The following FAM184B variants were observed in gnomAD, a reference collection of about 807,000 sequenced individuals.
FAM184B encodes the protein protein FAM184B.
In FAM184B, 111 loss-of-function variants were observed where a neutral mutation model predicts 135.9. That is an observed-to-expected ratio of 0.82 (90% CI 0.70 to 0.96). The LOEUF (loss-of-function observed/expected upper bound fraction) is 0.96, where lower values mean the gene tolerates loss of function less well. FAM184B is among the 40% of genes least tolerant of loss of function. The probability of loss-of-function intolerance (pLI) is 0.00; values close to 1 mark genes in which losing one functional copy is unlikely to be tolerated. For synonymous variants in FAM184B, 552 were observed against 524.8 expected, an observed-to-expected ratio of 1.05 and a Z score of -0.71; for missense variants, 1,375 against 1,323.9, an observed-to-expected ratio of 1.04 and a Z score of -0.60.
chr4:17,766,870 T>C (rs939177148), intron 1 of FAM184B, among the ~76,000 whole-genome samples: 25 of 152,128 alleles, frequency 1.6e-4, no homozygotes, highest in South Asian at 1.0e-3. Flanking sequence ...GCAGCGCTCA[T>C]TGGGGAGGCT....
At chr4:17,634,975 G>T (rs1473387804) in intron 16 of FAM184B, 34 bp downstream of exon 16, 1 of 1,435,174 alleles carries the variant, frequency 7.0e-7, no homozygotes, top group Non-Finnish European at 9.6e-7. Flanking sequence ...CAATGGAATT[G>T]TATAATGCAT....
intron 1 of FAM184B, among the ~76,000 whole-genome samples, chr4:17,717,411 C>T (rs1265118552): frequency 6.6e-6 from 1 of 152,146 alleles, no homozygotes; most frequent in Non-Finnish European, 1.5e-5. Flanking sequence ...GGGCTTCATG[C>T]CTCACAGGTC....
chr4:17,766,027 C>T (rs190175284), intron 1 of FAM184B, among the ~76,000 whole-genome samples: 15 of 152,330 alleles, frequency 9.8e-5, no homozygotes, highest in East Asian at 5.8e-4. Flanking sequence ...AGCTGCAGAC[C>T]TTCCCCGTGA....
chr4:17,652,636 G>A (rs1184355139), intron 11 of FAM184B, among the ~76,000 whole-genome samples, 194 bp downstream of exon 11: 1 of 150,058 alleles, frequency 6.7e-6, no homozygotes, highest in Middle Eastern at 3.2e-3. Context: ...GCCCTGGCCT[G>A]TGTGCCTGAG....
At position 17,664,501 on chromosome 4, in the gene FAM184B, T is replaced by G. The variant is rs1479087930; in HGVS notation, c.1694+61A>C. ...AGGATAGAATGAATGAATGGATGAA[T>G]CCTTCCACATCTGAGTCCTCATTCA... On this transcript the variant is annotated intron_variant, in intron 8 of 17. Coordinates refer to ENST00000265018, the MANE Select transcript of FAM184B (RefSeq NM_015688.2). 9.5e-6 allele frequency: 12 copies of G among 1,258,376 alleles called. No homozygotes were observed. In the Admixed American group the frequency reaches 2.1e-4, roughly 23 times the overall value. The allele number at this position is 1,258,376 out of a possible 1,614,324, so 78.0% of individuals were successfully genotyped here.
In FAM184B at chr4:17,636,592, A is replaced by AG; in HGVS notation, c.2719dup (p.Leu907ProfsTer91). 6.4e-7 allele frequency: 1 copy of AG among 1,551,118 alleles called. No homozygotes were observed. The highest frequency in any genetic ancestry group is 8.7e-7 in the Non-Finnish European group (1 of 1,146,926). ...GGTCTGCAGGCGGCCAATGAGCTGA[A>AG]GGTCCTCGGGCCTGGACGCTCCCTT... On this transcript the variant is annotated frameshift_variant, in exon 15 of 18. Coordinates refer to ENST00000265018, the MANE Select transcript of FAM184B (RefSeq NM_015688.2). LOFTEE classifies it high-confidence loss of function.
At chr4:17,773,726 C>T (rs1026723349) in intron 1 of FAM184B, among the ~76,000 whole-genome samples, 6 of 152,188 alleles carry the variant, frequency 3.9e-5, no homozygotes, top group South Asian at 2.1e-4. Flanking sequence ...TACAGGCATG[C>T]GCCACCACAC....
intron 1 of FAM184B, among the ~76,000 whole-genome samples, chr4:17,777,826 G>C (rs1352989902): frequency 6.6e-6 from 1 of 152,174 alleles, no homozygotes; most frequent in Non-Finnish European, 1.5e-5. Flanking sequence ...ATTAAAGAAA[G>C]CATATGCACC....
intron 1 of FAM184B, among the ~76,000 whole-genome samples, chr4:17,751,502 G>C (rs938532713): frequency 2.0e-5 from 3 of 151,978 alleles, no homozygotes; most frequent in Admixed American, 1.3e-4. Context: ...CCATGGAGAG[G>C]CTCTACCTCC....
At chr4:17,696,977 A>C (rs1716880557) in intron 5 of FAM184B, among the ~76,000 whole-genome samples, 1 of 152,198 alleles carries the variant, frequency 6.6e-6, no homozygotes, top group Non-Finnish European at 1.5e-5. Context: ...GGAACTATTT[A>C]ATACATTATA....
intron 1 of FAM184B, among the ~76,000 whole-genome samples, chr4:17,714,921 A>G (rs145808502): frequency 6.6e-6 from 1 of 152,252 alleles, no homozygotes; most frequent in Non-Finnish European, 1.5e-5. Context: ...CCTTGGGGAC[A>G]CCAAGGATCT....
At chr4:17,736,467 G>A (rs1717910925) in intron 1 of FAM184B, among the ~76,000 whole-genome samples, 1 of 152,196 alleles carries the variant, frequency 6.6e-6, no homozygotes, top group South Asian at 2.1e-4. Context: ...AGTACAGAGG[G>A]TTAAATAAGG....
At chr4:17,682,261 G>C (rs1716459421) in intron 7 of FAM184B, among the ~76,000 whole-genome samples, 1 of 152,136 alleles carries the variant, frequency 6.6e-6, no homozygotes, top group Non-Finnish European at 1.5e-5. Context: ...GACTAAAATG[G>C]CTTTCTGGAA....
chr4:17,727,382 T>C (rs115473208), intron 1 of FAM184B, among the ~76,000 whole-genome samples: 45 of 152,318 alleles, frequency 3.0e-4, no homozygotes, highest in African/African-American at 1.0e-3. Flanking sequence ...AACTTAGGCA[T>C]GTCCTACAGT....
chr4:17,642,244 A>G lies in FAM184B; in HGVS notation c.2347-16T>C. 6.8e-7 allele frequency: 1 copy of G among 1,465,816 alleles called. No homozygotes were observed. Among genetic ancestry groups the G allele is most frequent in the Non-Finnish European group, 8.9e-7 (1 of 1,118,640 alleles). The allele number at this position is 1,465,816 out of a possible 1,614,324, so 90.8% of individuals were successfully genotyped here. A position where few individuals can be genotyped will look rare whatever the true frequency, so the allele number is the denominator to read the frequency against. On this transcript the variant is annotated splice_polypyrimidine_tract_variant and intron_variant, in intron 12 of 17. Transcript: ENST00000265018. The stretch of plus-strand genomic sequence containing the variant: ...CGCCCCGCTCCTGAGGAAGGCAACC[A>G]GGAGAGGTGTTTTCAGGAGGCGCAG...
At chr4:17,648,790 G>T (rs1715533777) in intron 11 of FAM184B, among the ~76,000 whole-genome samples, 2 of 152,120 alleles carry the variant, frequency 1.3e-5, no homozygotes, top group African/African-American at 4.8e-5. Flanking sequence ...GGAGAGATGT[G>T]TACGTTCTCT....
chr4:17,746,212 G>T (rs113341769), intron 1 of FAM184B, among the ~76,000 whole-genome samples: 128 of 151,860 alleles, frequency 8.4e-4, no homozygotes, highest in African/African-American at 2.9e-3. Context: ...GCCCACCTCG[G>T]CCTCCCAAAG....
chr4:17,718,560 A>G (rs923095592), intron 1 of FAM184B, among the ~76,000 whole-genome samples: 1 of 152,072 alleles, frequency 6.6e-6, no homozygotes, highest in East Asian at 1.9e-4. Flanking sequence ...GATGGCATTT[A>G]TTTGTCTTCC....
At chr4:17,663,390 A>G (rs1219760022) in intron 8 of FAM184B, among the ~76,000 whole-genome samples, 1 of 152,206 alleles carries the variant, frequency 6.6e-6, no homozygotes, top group Non-Finnish European at 1.5e-5. Flanking sequence ...AAAGAAATAA[A>G]GGGGATCCAA....
Sources: allele counts gnomAD v4.1 joint callset (sites outside exome capture counted in the v4.1 genomes callset), GRCh38; gene constraint gnomAD v4.1.1; transcripts MANE v1.5; gene names NCBI Gene and HGNC (gene_info 2026-07-23, HGNC 2026-07-21).